Variants in RYR3 observed in about 807,000 individuals in gnomAD.
RYR3 encodes ryanodine receptor 3, also known as brain ryanodine receptor-calcium release channel.
Under a neutral mutation model 584.3 loss-of-function variants are expected in RYR3, and 207 were observed. The observed-to-expected ratio is 0.35, with a 90% CI of 0.32 to 0.40. The LOEUF is 0.40. RYR3 is among the 10% of genes least tolerant of loss of function. The probability of loss-of-function intolerance (pLI) is 1.00; values close to 1 mark genes in which losing one functional copy is unlikely to be tolerated. For synonymous variants in RYR3, 2,416 were observed against 2,248.5 expected (o/e 1.07, Z -2.11); for missense variants, 5,616 against 6,089.2 (o/e 0.92, Z 2.59).
intron 38 of RYR3, among the ~76,000 whole-genome samples, chr15:33,685,610 A>G (rs2064950228): frequency 6.6e-6 from 1 of 152,154 alleles, no homozygotes; most frequent in African/African-American, 2.4e-5. Flanking sequence ...CATCTACAGA[A>G]CTCTCTACCC....
At chr15:33,321,021 G>C (rs115968787) in intron 1 of RYR3, among the ~76,000 whole-genome samples, 2,003 of 152,264 alleles carry the variant, frequency 0.013, 43 homozygotes, top group African/African-American at 0.046. Flanking sequence ...TACAGATTGG[G>C]AGGTCAGTTC....
intron 18 of RYR3, among the ~76,000 whole-genome samples, chr15:33,610,417 A>G (rs1416979378): frequency 1.3e-5 from 2 of 152,168 alleles, no homozygotes; most frequent in African/African-American, 4.8e-5. Flanking sequence ...CCAGCAGACT[A>G]TGGGCTTCTT....
intron 87 of RYR3, 53 bp downstream of exon 87, chr15:33,835,125 C>T: frequency 1.5e-6 from 2 of 1,332,538 alleles, no homozygotes; most frequent in Admixed American, 3.5e-5. Context: ...CTAAGTCAGT[C>T]CTCACTCCTT....
chr15:33,516,561 C>G (rs1421142896), intron 3 of RYR3, among the ~76,000 whole-genome samples: 1 of 152,120 alleles, frequency 6.6e-6, no homozygotes, highest in Admixed American at 6.5e-5. Flanking sequence ...GTCTTGAACT[C>G]CTGACCTCAA....
intron 49 of RYR3, among the ~76,000 whole-genome samples, chr15:33,738,217 G>C (rs2069698799): frequency 6.6e-6 from 1 of 152,156 alleles, no homozygotes; most frequent in East Asian, 1.9e-4. Context: ...GGCACATTAG[G>C]AGGCATAAGA....
intron 1 of RYR3, among the ~76,000 whole-genome samples, chr15:33,443,031 G>A (rs1567246364): frequency 6.6e-6 from 1 of 152,186 alleles, no homozygotes; most frequent in Non-Finnish European, 1.5e-5. Context: ...GGCCAAGGCG[G>A]GCAGATCACT....
intron 93 of RYR3, among the ~76,000 whole-genome samples, chr15:33,845,517 G>A (rs2078665872): frequency 6.6e-6 from 1 of 152,214 alleles, no homozygotes; most frequent in African/African-American, 2.4e-5. Flanking sequence ...GCCTCCCACA[G>A]TGCTGGGATT....
At chr15:33,488,987 T>G (rs1325382293) in intron 2 of RYR3, among the ~76,000 whole-genome samples, 2 of 152,210 alleles carry the variant, frequency 1.3e-5, no homozygotes, top group Non-Finnish European at 2.9e-5. Flanking sequence ...TGAAGTTATG[T>G]GCATGCTCAT....
intron 1 of RYR3, among the ~76,000 whole-genome samples, chr15:33,420,569 C>A: frequency 6.6e-6 from 1 of 152,004 alleles, no homozygotes; most frequent in Non-Finnish European, 1.5e-5. Flanking sequence ...ATTTTGCAGA[C>A]GAAGTTAAGG....
At chr15:33,395,574 C>T (rs1399528310) in intron 1 of RYR3, among the ~76,000 whole-genome samples, 1 of 152,180 alleles carries the variant, frequency 6.6e-6, no homozygotes, top group Non-Finnish European at 1.5e-5. Context: ...CTGGGCCAGA[C>T]CCAGTGACTG....
intron 26 of RYR3, 113 bp from the exon 27 acceptor site, chr15:33,636,263 T>C: frequency 1.1e-6 from 1 of 927,998 alleles, no homozygotes; most frequent in African/African-American, 1.7e-5. Context: ...GAGTGTCCCC[T>C]AGAAATCATG....
At chr15:33,682,355 GT>G (rs963578272) in intron 38 of RYR3, among the ~76,000 whole-genome samples, 145 of 147,146 alleles carry the variant, frequency 9.9e-4, no homozygotes, top group African/African-American at 2.1e-3. Context: ...TAATGAGTAG[GT>G]TTTTTTTTTT....
chr15:33,418,257 T>G (rs2043968609), intron 1 of RYR3, among the ~76,000 whole-genome samples: 1 of 151,908 alleles, frequency 6.6e-6, no homozygotes, highest in Admixed American at 6.6e-5. Flanking sequence ...GGATTGGTAC[T>G]AGCTATTCTT....
At chr15:33,329,798 T>C (rs933405462) in intron 1 of RYR3, among the ~76,000 whole-genome samples, 3 of 152,160 alleles carry the variant, frequency 2.0e-5, no homozygotes, top group African/African-American at 4.8e-5. Context: ...AGCCTACAGG[T>C]AGTACCCAAA....
intron 16 of RYR3, among the ~76,000 whole-genome samples, chr15:33,597,227 CTT>C (rs922551096): frequency 6.6e-6 from 1 of 152,150 alleles, no homozygotes; most frequent in African/African-American, 2.4e-5. Flanking sequence ...TATGAAATTG[CTT>C]GATGAATAAA....
At chr15:33,861,243 T>A in intron 102 of RYR3, 65 bp downstream of exon 102, 2 of 1,174,530 alleles carry the variant, frequency 1.7e-6, no homozygotes, top group Non-Finnish European at 2.5e-6. Context: ...TTAGGTCATA[T>A]AGTTCAGTCT....
chr15:33,722,300 T>C (rs904573414), intron 43 of RYR3, among the ~76,000 whole-genome samples: 2 of 152,210 alleles, frequency 1.3e-5, no homozygotes, highest in Admixed American at 6.5e-5. Context: ...GTAGACTCAG[T>C]AGTTTATTAA....
chr15:33,350,939 A>C (rs1249312019), intron 1 of RYR3, among the ~76,000 whole-genome samples: 1 of 149,846 alleles, frequency 6.7e-6, no homozygotes, highest in East Asian at 1.9e-4. Flanking sequence ...ATAGAGACAC[A>C]AAAAACCCTT....
chr15:33,785,196 AT>A (rs1393780757), intron 65 of RYR3, among the ~76,000 whole-genome samples: 1 of 151,958 alleles, frequency 6.6e-6, no homozygotes, highest in African/African-American at 2.4e-5. Flanking sequence ...GTGGACTTTT[AT>A]TTTTCCTTTT....
Sources: allele counts gnomAD v4.1 joint callset (sites outside exome capture counted in the v4.1 genomes callset), GRCh38; gene constraint gnomAD v4.1.1; transcripts MANE v1.5; gene names NCBI Gene and HGNC (gene_info 2026-07-23, HGNC 2026-07-21).